SIK2: variants seen among roughly 807,000 people sequenced by gnomAD.
SIK2 encodes serine/threonine-protein kinase SIK2.
A neutral mutation model predicts 103.2 loss-of-function variants in SIK2; 29 were observed. The ratio of observed to expected loss-of-function variants is 0.28; its 90% CI spans 0.21 to 0.38. SIK2 has a LOEUF of 0.38. Among genes scored for constraint, SIK2 ranks in the 10% least tolerant of loss-of-function variants. SIK2 has a pLI of 1.00. For missense variants in SIK2, 879 were observed against 1,171.0 expected, an observed-to-expected ratio of 0.75 and a Z score of 3.64; for synonymous variants, 412 against 446.1, an observed-to-expected ratio of 0.92 and a Z score of 0.96.
intron 11 of SIK2, 56 bp downstream of exon 11, chr11:111,720,818 G>A: frequency 1.3e-6 from 2 of 1,573,462 alleles, no homozygotes; most frequent in Non-Finnish European, 1.7e-6. Flanking sequence ...GCAGTTTCTT[G>A]CCATGTTGGT....
At chr11:111,715,009 G>A (rs1328020039) in intron 9 of SIK2, among the ~76,000 whole-genome samples, 1 of 152,266 alleles carries the variant, frequency 6.6e-6, no homozygotes, top group Non-Finnish European at 1.5e-5. Flanking sequence ...GGCACTGACT[G>A]CTGTATTATA....
At position 111,723,907 on chromosome 11, in the gene SIK2, C is replaced by T. The variant is rs200148185; in HGVS notation, c.2559C>T (p.Ser853=). Residue 853 remains serine, a synonymous_variant, in exon 15 of 15, where the codon AGC becomes AGT. Coordinates refer to ENST00000304987, the MANE Select transcript of SIK2 (RefSeq NM_015191.3). The stretch of plus-strand genomic sequence containing the variant: ...CCTATCAGACTTGTGAGCTGCCAAG[C>T]GCTGCTTCCCCTGCGCCAGACTATC... The part of the protein sequence containing the change: ...QFSYQTCELP[S]AASPAPDYPT... 2.5e-5 allele frequency: 41 copies of T among 1,613,646 alleles called. No individual in the cohort carries two copies. Among genetic ancestry groups the T allele is most frequent in the Admixed American group, 2.0e-4 (12 of 59,944 alleles).
intron 3 of SIK2, among the ~76,000 whole-genome samples, chr11:111,668,842 T>A (rs1378232845): frequency 6.6e-6 from 1 of 152,192 alleles, no homozygotes; most frequent in Non-Finnish European, 1.5e-5. Context: ...ATTGATGCAG[T>A]TCAAGAAAAA....
At chr11:111,673,679 TA>T (rs1942658994) in intron 3 of SIK2, among the ~76,000 whole-genome samples, 1 of 152,222 alleles carries the variant, frequency 6.6e-6, no homozygotes, top group Non-Finnish European at 1.5e-5. Flanking sequence ...TACTAGAAAT[TA>T]TAGGGTAAGA....
At chr11:111,681,033 A>G (rs1430371293) in intron 3 of SIK2, among the ~76,000 whole-genome samples, 1 of 152,188 alleles carries the variant, frequency 6.6e-6, no homozygotes, top group Non-Finnish European at 1.5e-5. Flanking sequence ...AAAAAGAAAG[A>G]TGAGCTCTGT....
At chr11:111,697,888 T>C (rs1943115750) in intron 4 of SIK2, among the ~76,000 whole-genome samples, 1 of 152,126 alleles carries the variant, frequency 6.6e-6, no homozygotes, top group Non-Finnish European at 1.5e-5. Context: ...CGTGAGTCTA[T>C]GGTCCCAGCT....
intron 3 of SIK2, among the ~76,000 whole-genome samples, chr11:111,646,672 C>T (rs1237637451): frequency 6.6e-6 from 1 of 152,162 alleles, no homozygotes; most frequent in Admixed American, 6.5e-5. Context: ...CATAGATTAG[C>T]TTGTATATTC....
chr11:111,610,242 C>T (rs955174499), intron 1 of SIK2, among the ~76,000 whole-genome samples: 7 of 152,154 alleles, frequency 4.6e-5, no homozygotes, highest in African/African-American at 1.7e-4. Context: ...GTAATCCCAG[C>T]ACTTTGGGGG....
chr11:111,709,269 C>G (rs1052586389), intron 8 of SIK2, among the ~76,000 whole-genome samples: 1 of 152,122 alleles, frequency 6.6e-6, no homozygotes, highest in Non-Finnish European at 1.5e-5. Flanking sequence ...TAAGGATACC[C>G]GCTGTGTGGG....
chr11:111,700,427 A>G (rs933960950), intron 4 of SIK2, among the ~76,000 whole-genome samples: 19 of 152,200 alleles, frequency 1.2e-4, no homozygotes, highest in Admixed American at 2.6e-4. Context: ...TTCAAGGGTT[A>G]TATATCTGGG....
In SIK2 at chr11:111,646,170, C is replaced by T. The variant is rs138159215; in HGVS notation, c.316+25768C>T. On this transcript the variant is annotated intron_variant, in intron 3 of 14. Transcript: ENST00000304987. ...TATGCATTTAAAGTACTCAGCTTGG[C>T]CGGGCATGGTGGCTCATGCCTGTAA... is the stretch of plus-strand genomic sequence containing the variant. Among the ~76,000 whole-genome samples the T allele has an allele frequency of 3.2e-3, 486 of 152,256 alleles. 2 individuals carry two copies. The highest frequency in any genetic ancestry group is 0.011 in the African/African-American group (446 of 41,540).
At position 111,726,930 on chromosome 11, in the gene SIK2, T is replaced by G. The variant is rs1357195329; in HGVS notation, c.*2801T>G. ...GCAAAAAGTGCAATATGTGTGGTAC[T>G]TTATTTTTTATGTTCTTTTTTTAAA... is the stretch of plus-strand genomic sequence containing the variant. On this transcript the variant is annotated 3_prime_UTR_variant, in exon 15 of 15. Transcript: ENST00000304987. The G allele has an allele frequency of 6.2e-7, 1 of 1,604,054 alleles. No individual in the cohort carries two copies. Among genetic ancestry groups the G allele is most frequent in the Admixed American group, 1.7e-5 (1 of 59,888 alleles).
rs977855392 is a variant in SIK2 at position 111,726,743 on chromosome 11, C to A, written c.*2614C>A. On this transcript the variant is annotated 3_prime_UTR_variant, in exon 15 of 15. Coordinates refer to ENST00000304987, the MANE Select transcript of SIK2 (RefSeq NM_015191.3). ...AAAACACTAAGAAGGCTTAGTATCGCTCTTTTTCTGCGGGGCTACTCTGAA... is the reference window on the plus strand; with the variant it reads ...AAAACACTAAGAAGGCTTAGTATCGATCTTTTTCTGCGGGGCTACTCTGAA... The A allele has an allele frequency of 1.6e-5, 9 of 564,452 alleles. No individual in the cohort carries two copies. The highest frequency in any genetic ancestry group is 2.5e-5 in the Non-Finnish European group (8 of 316,006). The allele number at this position is 564,452 out of a possible 1,614,324, so 35.0% of individuals were successfully genotyped here.
intron 3 of SIK2, among the ~76,000 whole-genome samples, chr11:111,677,964 A>G (rs1471070327): frequency 6.6e-6 from 1 of 152,164 alleles, no homozygotes; most frequent in Non-Finnish European, 1.5e-5. Flanking sequence ...CATCTACTTA[A>G]AGTCCTTAAG....
At chr11:111,640,910 A>G (rs1591597895) in intron 3 of SIK2, among the ~76,000 whole-genome samples, 2 of 151,598 alleles carry the variant, frequency 1.3e-5, no homozygotes, top group South Asian at 4.2e-4. Flanking sequence ...AATTTTTTGT[A>G]TTTTTAGTAG....
intron 9 of SIK2, among the ~76,000 whole-genome samples, chr11:111,715,367 C>G (rs12362593): frequency 0.24 from 37,030 of 152,166 alleles, 4,708 homozygotes; most frequent in Middle Eastern, 0.32. Context: ...GAGACTGCCT[C>G]ATGTGCATTT....
At chr11:111,612,001 TG>T (rs1224579489) in intron 1 of SIK2, among the ~76,000 whole-genome samples, 1 of 152,204 alleles carries the variant, frequency 6.6e-6, no homozygotes, top group Admixed American at 6.5e-5. Context: ...TGGTAAAATG[TG>T]TTCATCTTCT....
intron 3 of SIK2, among the ~76,000 whole-genome samples, chr11:111,634,790 C>T (rs576322914): frequency 2.1e-4 from 32 of 152,252 alleles, no homozygotes; most frequent in African/African-American, 2.4e-4. Flanking sequence ...AATCACATTC[C>T]GGGCACATGT....
intron 3 of SIK2, among the ~76,000 whole-genome samples, chr11:111,667,798 A>G (rs1232059124): frequency 6.6e-6 from 1 of 152,178 alleles, no homozygotes; most frequent in Non-Finnish European, 1.5e-5. Context: ...AGGCCACTGC[A>G]ACACATTTCT....
Sources: allele counts gnomAD v4.1 joint callset (sites outside exome capture counted in the v4.1 genomes callset), GRCh38; gene constraint gnomAD v4.1.1; transcripts MANE v1.5; gene names NCBI Gene and HGNC (gene_info 2026-07-23, HGNC 2026-07-21).